Variants in TASP1 observed in about 807,000 individuals in gnomAD.
TASP1 encodes the protein threonine aspartase 1.
In TASP1, 16 loss-of-function variants were observed where a neutral mutation model predicts 56.6. The observed-to-expected ratio is 0.28, with a 90% confidence interval of 0.19 to 0.43. The LOEUF (loss-of-function observed/expected upper bound fraction) is 0.43, where lower values mean the gene tolerates loss of function less well. TASP1 is among the 20% of genes least tolerant of loss of function. TASP1 has a pLI of 1.00. For synonymous variants in TASP1, 179 were observed against 184.2 expected, an observed-to-expected ratio of 0.97 and a Z score of 0.23; for missense variants, 393 against 511.6, an observed-to-expected ratio of 0.77 and a Z score of 2.24.
intron 10 of TASP1, among the ~76,000 whole-genome samples, chr20:13,515,412 C>A (rs554962838): frequency 6.6e-6 from 1 of 152,072 alleles, no homozygotes; most frequent in East Asian, 1.9e-4. Context: ...TGTCTTGCTG[C>A]TTAAAGTACT....
At chr20:13,307,503 T>C in the TASP1 span, among the ~76,000 whole-genome samples, 1 of 152,152 alleles carries the variant, frequency 6.6e-6, no homozygotes, top group African/African-American at 2.4e-5. Flanking sequence ...GTGTACACTT[T>C]TTAAAAACTG....
At chr20:13,342,273 T>C in the TASP1 span, among the ~76,000 whole-genome samples, 2 of 152,200 alleles carry the variant, frequency 1.3e-5, no homozygotes, top group Non-Finnish European at 2.9e-5. Context: ...ATCGCAGGCC[T>C]GGGTGGGTTG....
chr20:13,406,643 A>C, intron 13 of TASP1, among the ~76,000 whole-genome samples: 1 of 149,026 alleles, frequency 6.7e-6, no homozygotes, highest in South Asian at 2.1e-4. Context: ...TTTTCCTTGG[A>C]TATCTCATAT....
chr20:13,562,915 ATGTG>A (rs199844282), intron 7 of TASP1, among the ~76,000 whole-genome samples: 4,635 of 128,538 alleles, frequency 0.036, 154 homozygotes, highest in African/African-American at 0.089. Context: ...ACATATATAT[ATGTG>A]TGTGTGTGTG....
At chr20:13,141,376 C>T in the TASP1 span, among the ~76,000 whole-genome samples, 2 of 152,198 alleles carry the variant, frequency 1.3e-5, no homozygotes, top group East Asian at 1.9e-4. Flanking sequence ...GACTGTGGTG[C>T]GGGTGATAAA....
intron 4 of TASP1, among the ~76,000 whole-genome samples, chr20:13,606,866 A>AATG (rs1375321301): frequency 6.6e-6 from 1 of 152,098 alleles, no homozygotes; most frequent in Non-Finnish European, 1.5e-5. Context: ...TATGTAAGGC[A>AATG]ATGCCTGGCA....
chr20:13,117,168 C>A, the TASP1 span, among the ~76,000 whole-genome samples: 4,795 of 152,286 alleles, frequency 0.031, 118 homozygotes, highest in South Asian at 0.078. Context: ...TCAATTCTAG[C>A]AGAATATCTA....
intron 1 of TASP1, among the ~76,000 whole-genome samples, chr20:13,632,857 T>A (rs950752252): frequency 2.0e-5 from 3 of 152,066 alleles, no homozygotes; most frequent in Non-Finnish European, 2.9e-5. Flanking sequence ...AAAGGGCAAA[T>A]AGACAAATCT....
the TASP1 span, among the ~76,000 whole-genome samples, chr20:13,251,500 G>C: frequency 6.6e-6 from 1 of 151,562 alleles, no homozygotes; most frequent in Admixed American, 6.6e-5. Flanking sequence ...AGAATTCTGG[G>C]GATGGATCCT....
chr20:13,372,904 C>T, the TASP1 span, among the ~76,000 whole-genome samples: 6 of 151,994 alleles, frequency 3.9e-5, no homozygotes, highest in Admixed American at 3.9e-4. Flanking sequence ...AATGTTCCTC[C>T]TGTATAGCTC....
chr20:13,378,950 T>C, the TASP1 span, among the ~76,000 whole-genome samples: 4 of 152,210 alleles, frequency 2.6e-5, no homozygotes, highest in African/African-American at 7.2e-5. Context: ...CATCCCTTTA[T>C]TTTGAGCCTA....
chr20:13,503,704 AC>A (rs1419292498), intron 10 of TASP1, among the ~76,000 whole-genome samples: 1 of 151,390 alleles, frequency 6.6e-6, no homozygotes, highest in African/African-American at 2.5e-5. Flanking sequence ...AAATATATAG[AC>A]AACACAATAA....
intron 4 of TASP1, among the ~76,000 whole-genome samples, chr20:13,590,154 C>T (rs1256948372): frequency 6.6e-6 from 1 of 152,096 alleles, no homozygotes; most frequent in Non-Finnish European, 1.5e-5. Context: ...ATCGCTTGAA[C>T]CCAGGAGGCA....
chr20:13,356,551 T>G, the TASP1 span, among the ~76,000 whole-genome samples: 2 of 152,198 alleles, frequency 1.3e-5, no homozygotes, highest in African/African-American at 2.4e-5. Flanking sequence ...AAAATCTATT[T>G]TTTTCAAACA....
chr20:13,183,801 G>A, the TASP1 span, among the ~76,000 whole-genome samples: 1 of 152,128 alleles, frequency 6.6e-6, no homozygotes, highest in South Asian at 2.1e-4. Flanking sequence ...AGGCTGAGGT[G>A]GGCGGATCAC....
chr20:13,317,230 C>T, the TASP1 span, among the ~76,000 whole-genome samples: 2 of 150,708 alleles, frequency 1.3e-5, no homozygotes, highest in Admixed American at 6.6e-5. Context: ...TAATAAAATA[C>T]ATACAAGATC....
intron 6 of TASP1, among the ~76,000 whole-genome samples, chr20:13,572,017 G>C (rs1302183163): frequency 6.6e-6 from 1 of 152,048 alleles, no homozygotes; most frequent in Non-Finnish European, 1.5e-5. Context: ...CCTCTACCCA[G>C]TACTCACAAT....
At chr20:13,369,604 G>A in the TASP1 span, among the ~76,000 whole-genome samples, 96,236 of 152,044 alleles carry the variant, frequency 0.63, 30,723 homozygotes, top group Non-Finnish European at 0.68. Flanking sequence ...TCAACTCTCA[G>A]TAATTTTTCA....
chr20:13,162,718 G>C, the TASP1 span, among the ~76,000 whole-genome samples: 1 of 152,086 alleles, frequency 6.6e-6, no homozygotes, highest in Non-Finnish European at 1.5e-5. Flanking sequence ...TCATTCTCTC[G>C]CCTTTCAGAT....
Sources: allele counts gnomAD v4.1 joint callset (sites outside exome capture counted in the v4.1 genomes callset), GRCh38; gene constraint gnomAD v4.1.1; transcripts MANE v1.5; gene names NCBI Gene and HGNC (gene_info 2026-07-23, HGNC 2026-07-21).